The following PLEKHG4B variants were observed in gnomAD, a reference collection of about 807,000 sequenced individuals.
PLEKHG4B encodes the protein pleckstrin homology and RhoGEF domain containing G4B.
PLEKHG4B carries 111 observed loss-of-function variants against 121.3 expected under a neutral mutation model. The observed-to-expected ratio is 0.92, with a 90% CI of 0.78 to 1.07. PLEKHG4B has a LOEUF of 1.07. PLEKHG4B is among the 50% of genes least tolerant of loss of function. The probability of loss-of-function intolerance (pLI) is 0.00; values close to 1 mark genes in which losing one functional copy is unlikely to be tolerated. For missense variants in PLEKHG4B, 1,831 were observed against 1,757.8 expected (o/e 1.04, Z -0.74); for synonymous variants, 738 against 725.0 (o/e 1.02, Z -0.29).
chr5:104,427 T>C (rs1411986458), intron 1 of PLEKHG4B, among the ~76,000 whole-genome samples: 1 of 152,220 alleles, frequency 6.6e-6, no homozygotes, highest in East Asian at 1.9e-4. Context: ...GTATCCAGCA[T>C]ATAATAAACA....
chr5:109,454 T>TA (rs1180762519), intron 1 of PLEKHG4B, among the ~76,000 whole-genome samples: 1 of 138,306 alleles, frequency 7.2e-6, no homozygotes, highest in Non-Finnish European at 1.5e-5. Flanking sequence ...AGCAGTGAAT[T>TA]AAAAGTACCT....
chr5:160,314 G>T (rs1735951286), intron 11 of PLEKHG4B, among the ~76,000 whole-genome samples: 1 of 152,178 alleles, frequency 6.6e-6, no homozygotes, highest in African/African-American at 2.4e-5. Context: ...CTGTGTCTCT[G>T]CTTCCTTCAC....
chr5:125,197 A>T (rs1734577429), intron 2 of PLEKHG4B, among the ~76,000 whole-genome samples: 1 of 152,190 alleles, frequency 6.6e-6, no homozygotes, highest in South Asian at 2.1e-4. Flanking sequence ...GTAGTTACTG[A>T]TAAACAGGGG....
In PLEKHG4B at chr5:140,087, G is replaced by T; in HGVS notation, c.848G>T (p.Ser283Ile). 2.1e-6 allele frequency: 1 copy of T among 476,196 alleles called. No individual in the cohort carries two copies. The highest frequency in any genetic ancestry group is 4.6e-5 in the South Asian group (1 of 21,956). 29.5% of individuals were successfully genotyped at this position (476,196 alleles called of 1,614,324 possible). A position where few individuals can be genotyped will look rare whatever the true frequency, so the allele number is the denominator to read the frequency against. The change falls in exon 3 of 20, where the codon AGC becomes ATC. Residue 283 changes from serine (S) to isoleucine (I), a missense_variant. Ser to Ile is a moderately radical substitution (Grantham distance 142). Coordinates refer to ENST00000637938, the MANE Select transcript of PLEKHG4B (RefSeq NM_052909.5). The part of the protein sequence containing the change: ...ELGSPRTLSG[S>I]SDRDFEKVSP... ...GGAAGCCCCAGGACCCTGTCTGGAA[G>T]CTCAGACAGGGACTTCGAAAAGGTC...
chr5:155,393 C>G lies in PLEKHG4B; in HGVS notation c.2158C>G (p.Gln720Glu), dbSNP rs1266151871. The G allele has an allele frequency of 6.2e-7, 1 of 1,614,110 alleles. No homozygotes were observed. The highest frequency in any genetic ancestry group is 8.5e-7 in the Non-Finnish European group (1 of 1,180,046). The change falls in exon 9 of 20, where the codon CAG (glutamine) becomes GAG (glutamate). Residue 720 changes from glutamine to glutamate, a missense_variant. By Grantham distance (29) the Gln-to-Glu change is conservative. Transcript: ENST00000637938. ...ANCEEAIIFL[Q>E]NSFCSLNTHR... is the part of the protein sequence containing the mutation. The stretch of plus-strand genomic sequence containing the variant: ...CTGTGAAGAAGCCATCATTTTCCTA[C>G]AGAATTCATTCTGCTCCCTGAACAC...
chr5:176,663 T>G (rs868061145), intron 18 of PLEKHG4B, among the ~76,000 whole-genome samples: 3 of 152,252 alleles, frequency 2.0e-5, no homozygotes, highest in African/African-American at 7.2e-5. Flanking sequence ...TTATCTCTGG[T>G]GCTTCCCGGT....
In PLEKHG4B at chr5:139,247, A is replaced by G. The variant is rs1735075439; in HGVS notation, c.244-236A>G. Among the ~76,000 whole-genome samples the G allele has an allele frequency of 6.6e-6, 1 of 152,184 alleles. No individual in the cohort carries two copies. The highest frequency in any genetic ancestry group is 2.4e-5 in the African/African-American group (1 of 41,450). On this transcript the variant is annotated intron_variant, in intron 2 of 19. Transcript: ENST00000637938. This position sits in a 1 kb window ranked among gnomAD's most constrained non-coding sequence, Gnocchi z 5.0. ...TCCTGCCCACCTACCCCCAGCCTCC[A>G]GGAAGAGCTATACAATTGCTTTTTT...
intron 2 of PLEKHG4B, among the ~76,000 whole-genome samples, chr5:115,469 C>G (rs1734278024): frequency 6.6e-6 from 1 of 152,222 alleles, no homozygotes; most frequent in South Asian, 2.1e-4. Flanking sequence ...CAGCTCCTAA[C>G]AAGAGAGTCA....
Position 155,430 on chromosome 5 carries a change from C to A in PLEKHG4B, c.2195C>A (p.Pro732Gln). 1 of 1,613,878 alleles carries A rather than the reference C, an allele frequency of 6.2e-7. No individual in the cohort carries two copies. Among genetic ancestry groups the A allele is most frequent in the South Asian group, 1.1e-5 (1 of 91,068 alleles). ...SFCSLNTHRT[P>Q]RTAQEVAELI... ...TGCTCCCTGAACACCCACAGAACCC[C>A]AAGAACAGCCCAGGTGAGTCCTCAG... The change falls in exon 9 of 20, where the codon CCA (proline) becomes CAA (glutamine). Residue 732 changes from proline (P) to glutamine (Q), a missense_variant. Physicochemically the swap from Pro to Gln is moderately conservative, Grantham distance 76. Coordinates refer to ENST00000637938, the MANE Select transcript of PLEKHG4B (RefSeq NM_052909.5).
chr5:154,828 A>G, intron 7 of PLEKHG4B, 47 bp from the exon 8 acceptor site: 1 of 1,434,940 alleles, frequency 7.0e-7, no homozygotes, highest in Non-Finnish European at 9.8e-7. Context: ...GTTTGCCCCC[A>G]AGAGATGCAT....
intron 1 of PLEKHG4B, among the ~76,000 whole-genome samples, chr5:109,834 A>C (rs1323215881): frequency 6.6e-6 from 1 of 152,218 alleles, no homozygotes; most frequent in Non-Finnish European, 1.5e-5. Context: ...GTGCCAAGGG[A>C]CTGGCGGGCA....
At position 157,871 on chromosome 5, in the gene PLEKHG4B, C is replaced by T. The variant is rs781348398; in HGVS notation, c.2487+960C>T. 5.4e-4 allele frequency among the ~76,000 whole-genome samples: 82 copies of T among 152,314 alleles called. No homozygotes were observed. Among genetic ancestry groups the T allele is most frequent in the Non-Finnish European group, 3.8e-4 (26 of 68,002 alleles). ...GTGGGGTGGAGGCATCCCCAGCCCT[C>T]CTGTCTGCTGGCAAAGCTCCCCCGG... On this transcript the variant is annotated intron_variant, in intron 11 of 19. Coordinates refer to ENST00000637938, the MANE Select transcript of PLEKHG4B (RefSeq NM_052909.5). The surrounding 1 kb of genome is among the most constrained non-coding windows in gnomAD (Gnocchi z 4.6).
At chr5:180,800 C>T (rs1736908332) in intron 18 of PLEKHG4B, among the ~76,000 whole-genome samples, 1 of 152,224 alleles carries the variant, frequency 6.6e-6, no homozygotes, top group Admixed American at 6.5e-5. Context: ...CAGCCACACT[C>T]AGCCCTTTCC....
In PLEKHG4B at chr5:163,070, G is replaced by A. The variant is rs766570039; in HGVS notation, c.2998G>A (p.Gly1000Ser). Reference protein sequence around the residue: ...PPSFPSTDSGGGAWEPAQPLS... With the variant: ...PPSFPSTDSGSGAWEPAQPLS... ...CTCATTCCCCAGCACGGACAGTGGG[G>A]GTGGTGCCTGGGAACCTGCGCAACC... The change falls in exon 13 of 20, where the codon GGT becomes AGT. Residue 1000 changes from glycine to serine, a missense_variant. Physicochemically the swap from Gly to Ser is moderately conservative, Grantham distance 56. Transcript: ENST00000637938. The A allele has an allele frequency of 1.9e-6, 3 of 1,561,362 alleles. No individual in the cohort carries two copies. The highest frequency in any genetic ancestry group is 2.6e-6 in the Non-Finnish European group (3 of 1,152,846).
chr5:118,852 CTTCT>C (rs1385060313), intron 2 of PLEKHG4B, among the ~76,000 whole-genome samples: 23 of 33,038 alleles, frequency 7.0e-4, no homozygotes, highest in Admixed American at 3.6e-3. Context: ...TCTCCTCCTC[CTTCT>C]TTTTTTTTTT....
chr5:161,892 G>T lies in PLEKHG4B; in HGVS notation c.2597G>T (p.Cys866Phe). ...GLSAVVSQAE[C>F]REGELARWTR... ...AGCGCCGTGGTCAGCCAGGCTGAGT[G>T]CAGGGAGGGAGAGCTGGCCAGGTGG... The change falls in exon 12 of 20, where the codon TGC becomes TTC. Residue 866 changes from cysteine to phenylalanine, a missense_variant. Coordinates refer to ENST00000637938, the MANE Select transcript of PLEKHG4B (RefSeq NM_052909.5). The T allele has an allele frequency of 6.2e-7, 1 of 1,613,642 alleles. No individual in the cohort carries two copies. Among genetic ancestry groups the T allele is most frequent in the Non-Finnish European group, 8.5e-7 (1 of 1,180,008 alleles).
chr5:181,739 A>G (rs1285175232), intron 19 of PLEKHG4B, 64 bp downstream of exon 19: 15 of 1,563,514 alleles, frequency 9.6e-6, no homozygotes, highest in African/African-American at 1.4e-5. Flanking sequence ...CATCAAGGGC[A>G]TGGGTACGGT....
At chr5:133,004 T>C (rs1734822724) in intron 2 of PLEKHG4B, among the ~76,000 whole-genome samples, 1 of 152,246 alleles carries the variant, frequency 6.6e-6, no homozygotes, top group South Asian at 2.1e-4. Context: ...TTCACAGTAT[T>C]GATTCTACCC....
At position 182,076 on chromosome 5, in the gene PLEKHG4B, C is replaced by T. The variant is rs148720313; in HGVS notation, c.4637C>T (p.Thr1546Ile). The change falls in exon 20 of 20, where the codon ACC becomes ATC. Residue 1546 changes from threonine to isoleucine, a missense_variant. Transcript: ENST00000637938. ...HAAPFKRPHS[T>I]ISDSSTSSSS... The stretch of plus-strand genomic sequence containing the variant: ...GCCCCCTTCAAGCGACCACACTCCA[C>T]CATCTCAGACAGCAGCACCTCCTCT... 1.7e-4 allele frequency: 280 copies of T among 1,614,088 alleles called. 1 individual carries two copies. The highest frequency in any genetic ancestry group is 1.6e-3 in the Middle Eastern group (10 of 6,084).
Sources: allele counts gnomAD v4.1 joint callset (sites outside exome capture counted in the v4.1 genomes callset), GRCh38; gene constraint gnomAD v4.1.1; non-coding constraint Gnocchi (gnomAD v3.1); transcripts MANE v1.5; gene names NCBI Gene and HGNC (gene_info 2026-07-23, HGNC 2026-07-21).